Variants in GTF2IRD2 observed in about 807,000 individuals in gnomAD.
The protein encoded by GTF2IRD2 is general transcription factor II-I repeat domain-containing protein 2A.
In GTF2IRD2, 8 loss-of-function variants were observed where a neutral mutation model predicts 49.2. The ratio of observed to expected loss-of-function variants is 0.16; its 90% CI spans 0.10 to 0.29. The LOEUF is 0.29. GTF2IRD2 is among the 10% of genes least tolerant of loss of function. The pLI is 1.00. For synonymous variants in GTF2IRD2, 47 were observed against 289.7 expected, an observed-to-expected ratio of 0.16 and a Z score of 8.51; for missense variants, 130 against 725.7, an observed-to-expected ratio of 0.18 and a Z score of 9.43.
intron 8 of GTF2IRD2, among the ~76,000 whole-genome samples, chr7:74,818,584 T>C (rs1157571934): frequency 3.7e-5 from 5 of 134,498 alleles, no homozygotes; most frequent in African/African-American, 1.5e-4. Flanking sequence ...CTCAGCCTCC[T>C]GAGTAGCTAG....
intron 3 of GTF2IRD2, among the ~76,000 whole-genome samples, chr7:74,829,891 A>C (rs2953661): frequency 2.2e-5 from 3 of 134,254 alleles, no homozygotes; most frequent in Non-Finnish European, 4.8e-5. Flanking sequence ...CTGTCTCAAA[A>C]AAAAAAAAAA....
chr7:74,835,748 C>T (rs1330134052), intron 2 of GTF2IRD2, among the ~76,000 whole-genome samples: 2 of 55,532 alleles, frequency 3.6e-5, no homozygotes, highest in Non-Finnish European at 5.8e-5. Flanking sequence ...TTTGGGAGGC[C>T]GAGGTGGGCA....
At chr7:74,810,861 TAAA>T (rs782548032) in intron 10 of GTF2IRD2, 32 bp downstream of exon 10, 2 of 399,806 alleles carry the variant, frequency 5.0e-6, no homozygotes, top group South Asian at 6.9e-5. Context: ...AAACTTTTCT[TAAA>T]AGAGAGAGAA....
rs1469130480 is a variant in GTF2IRD2 at position 74,797,675 on chromosome 7, A to C, written c.1837T>G (p.Leu613Val). ...GTGCCAGTGGAGGCCACGCTTACTA[A>C]TTTCGACCAGTCGATACAGAAGTTT... Reference protein sequence around the residue: ...LKNFCIDWSKLVSVASTGTPA... With the variant: ...LKNFCIDWSKVVSVASTGTPA... The change falls in exon 16 of 16, where the codon TTA (leucine) becomes GTA (valine). Residue 613 changes from leucine to valine, a missense_variant. Physicochemically the swap from Leu to Val is conservative, Grantham distance 32. Coordinates refer to ENST00000451013, the MANE Select transcript of GTF2IRD2 (RefSeq NM_173537.5). 3 of 1,603,680 alleles carry C rather than the reference A, an allele frequency of 1.9e-6. 1 individual carries two copies. In the African/African-American group the frequency reaches 4.1e-5, roughly 22 times the overall value.
Position 74,797,688 on chromosome 7 carries a change from G to A in GTF2IRD2, c.1824C>T (p.Ile608=), listed in dbSNP as rs782544390. 1.7e-5 allele frequency: 22 copies of A among 1,312,064 alleles called. No individual in the cohort carries two copies. Among genetic ancestry groups the A allele is most frequent in the East Asian group, 2.4e-5 (1 of 40,830 alleles). The allele number at this position is 1,312,064 out of a possible 1,614,324, so 81.3% of individuals were successfully genotyped here. ...RVEKSLKNFC[I]DWSKLVSVAS... Reference sequence around the variant, plus strand: ...CCACGCTTACTAATTTCGACCAGTCGATACAGAAGTTTTTCAGGCTTTTCT... The same window carrying A: ...CCACGCTTACTAATTTCGACCAGTCAATACAGAAGTTTTTCAGGCTTTTCT... Residue 608 remains isoleucine (I), a synonymous_variant, in exon 16 of 16, where the codon ATC becomes ATT. Coordinates refer to ENST00000451013, the MANE Select transcript of GTF2IRD2 (RefSeq NM_173537.5).
At chr7:74,798,956 A>G (rs1273360871) in intron 15 of GTF2IRD2, 2 of 155,070 alleles carry the variant, frequency 1.3e-5, no homozygotes, top group Non-Finnish European at 2.8e-5. Context: ...GACTACAGGC[A>G]TGCACCACAC....
intron 3 of GTF2IRD2, among the ~76,000 whole-genome samples, chr7:74,828,137 T>C (rs1799552733): frequency 1.6e-5 from 1 of 63,216 alleles, no homozygotes; most frequent in Admixed American, 1.9e-4. Flanking sequence ...AATACAAGGA[T>C]GGTTCAACAT....
Position 74,840,743 on chromosome 7 carries a change from C to T in GTF2IRD2, c.-5-4360G>A, listed in dbSNP as rs1554421707. On this transcript the variant is annotated intron_variant, in intron 1 of 15. Coordinates refer to ENST00000451013, the MANE Select transcript of GTF2IRD2 (RefSeq NM_173537.5). ...GCAGGTGACGCCAGCTTAGGAAGCACCTGATGCACTGGTCCCCACGGGACC... is the reference window on the plus strand; with the variant it reads ...GCAGGTGACGCCAGCTTAGGAAGCATCTGATGCACTGGTCCCCACGGGACC... Among the ~76,000 whole-genome samples, 2 of 137,488 alleles carry T rather than the reference C, an allele frequency of 1.5e-5. 1 individual carries two copies. Among genetic ancestry groups the T allele is most frequent in the African/African-American group, 6.0e-5 (2 of 33,332 alleles). 90.2% of individuals were successfully genotyped at this position (137,488 alleles called of 152,430 possible). A position where few individuals can be genotyped will look rare whatever the true frequency, so the allele number is the denominator to read the frequency against.
At chr7:74,841,103 C>T (rs1267667928) in intron 1 of GTF2IRD2, among the ~76,000 whole-genome samples, 1 of 141,640 alleles carries the variant, frequency 7.1e-6, no homozygotes, top group African/African-American at 2.8e-5. Flanking sequence ...CACGCCTCAG[C>T]CTCCCAGAGT....
chr7:74,831,154 C>T (rs587768677), intron 3 of GTF2IRD2, among the ~76,000 whole-genome samples: 2 of 150,956 alleles, frequency 1.3e-5, no homozygotes, highest in Admixed American at 6.7e-5. Context: ...TTTGGGATCT[C>T]GGAAGTAAAT....
In GTF2IRD2 at chr7:74,817,084, C is replaced by G. The variant is rs1371934250; in HGVS notation, c.670+2470G>C. 2.9e-4 allele frequency among the ~76,000 whole-genome samples: 11 copies of G among 38,086 alleles called. 5 individuals carry two copies. The highest frequency in any genetic ancestry group is 1.3e-3 in the Admixed American group (4 of 3,144). 25.0% of individuals were successfully genotyped at this position (38,086 alleles called of 152,430 possible). On this transcript the variant is annotated intron_variant, in intron 8 of 15. Transcript: ENST00000451013. ...TTTCCTTTTTTCTGAGACGGAGTTT[C>G]ACTCTCACCCAGGCTGGAGTGCAAT...
At chr7:74,839,098 T>C (rs878904418) in intron 1 of GTF2IRD2, among the ~76,000 whole-genome samples, 1,777 of 27,346 alleles carry the variant, frequency 0.065, 806 homozygotes, top group South Asian at 0.23. Flanking sequence ...CTAATTTTTG[T>C]ATTTTTAGTA....
chr7:74,842,473 C>A (rs1800929512), intron 1 of GTF2IRD2, among the ~76,000 whole-genome samples: 1 of 143,086 alleles, frequency 7.0e-6, no homozygotes. Flanking sequence ...TCAGGTGATC[C>A]ACCCTCCTTG....
At chr7:74,828,587 C>A (rs1456787332) in intron 3 of GTF2IRD2, among the ~76,000 whole-genome samples, 2 of 27,026 alleles carry the variant, frequency 7.4e-5, no homozygotes, top group Non-Finnish European at 7.7e-5. Context: ...GCACGAGAAT[C>A]ACTTGAACCT....
chr7:74,839,733 G>A (rs1336396181), intron 1 of GTF2IRD2, among the ~76,000 whole-genome samples: 1 of 96,018 alleles, frequency 1.0e-5, no homozygotes. Flanking sequence ...GGCCGGCGTG[G>A]TGGCTCACGC....
chr7:74,829,892 A>AAACAAAAAAAAAAC (rs1436434412), intron 3 of GTF2IRD2, among the ~76,000 whole-genome samples: 4 of 22,490 alleles, frequency 1.8e-4, no homozygotes, highest in African/African-American at 2.2e-4. Flanking sequence ...TGTCTCAAAA[A>AAACAAAAAAAAAAC]AAAAAAAAAA....
intron 3 of GTF2IRD2, among the ~76,000 whole-genome samples, chr7:74,828,752 C>G (rs1207729937): frequency 5.0e-5 from 3 of 59,622 alleles, no homozygotes; most frequent in African/African-American, 1.5e-4. Flanking sequence ...AAGTCCTAGC[C>G]GAGCAATTAA....
intron 15 of GTF2IRD2, among the ~76,000 whole-genome samples, chr7:74,800,257 A>G (rs1205152394): frequency 2.1e-5 from 3 of 140,836 alleles, no homozygotes; most frequent in African/African-American, 7.9e-5. Context: ...TCTGTCACCA[A>G]ACTGGAGTGC....
intron 2 of GTF2IRD2, among the ~76,000 whole-genome samples, chr7:74,833,295 A>G: frequency 9.8e-6 from 1 of 101,934 alleles, no homozygotes. Context: ...GTTAGCCAGG[A>G]TGGTCTCGAT....
Sources: allele counts gnomAD v4.1 joint callset (sites outside exome capture counted in the v4.1 genomes callset), GRCh38; gene constraint gnomAD v4.1.1; transcripts MANE v1.5; gene names NCBI Gene and HGNC (gene_info 2026-07-23, HGNC 2026-07-21).